Variants in ARHGEF7 observed in about 807,000 individuals in gnomAD.
The protein encoded by ARHGEF7 is PAK-interacting exchange factor beta.
Under a neutral mutation model 109.8 loss-of-function variants are expected in ARHGEF7, and 33 were observed. The observed-to-expected ratio is 0.30, with a 90% CI of 0.23 to 0.40. The LOEUF (loss-of-function observed/expected upper bound fraction) is 0.40, where lower values mean the gene tolerates loss of function less well. Among genes scored for constraint, ARHGEF7 ranks in the 10% least tolerant of loss-of-function variants. The probability of loss-of-function intolerance (pLI) is 1.00; values close to 1 mark genes in which losing one functional copy is unlikely to be tolerated. For missense variants in ARHGEF7, 938 were observed against 1,098.5 expected (o/e 0.85, Z 2.07); for synonymous variants, 458 against 424.6 (o/e 1.08, Z -0.97).
intron 1 of ARHGEF7, among the ~76,000 whole-genome samples, chr13:111,148,661 G>C (rs2075736319): frequency 6.6e-6 from 1 of 152,212 alleles, no homozygotes; most frequent in South Asian, 2.1e-4. Flanking sequence ...CTTTGCACCT[G>C]TCATCTTCCT....
In ARHGEF7 at chr13:111,134,814, A is replaced by T. The variant is rs2075003949; in HGVS notation, c.166-19091A>T. On this transcript the variant is annotated intron_variant, in intron 1 of 21. Coordinates refer to ENST00000646102, the MANE Select transcript of ARHGEF7 (RefSeq NM_001354046.2). ...TTAGTTTAATTAGATCCCATTTGTC[A>T]ATTTTGGCTTTTGTTGCCATTGCTT... is the stretch of plus-strand genomic sequence containing the variant. Among the ~76,000 whole-genome samples, 5 of 152,010 alleles carry T rather than the reference A, an allele frequency of 3.3e-5. No homozygotes were observed. In the South Asian group the frequency reaches 1.0e-3, roughly 32 times the overall value.
intron 13 of ARHGEF7, among the ~76,000 whole-genome samples, chr13:111,278,612 G>A (rs999056806): frequency 1.3e-5 from 2 of 152,220 alleles, no homozygotes; most frequent in African/African-American, 4.8e-5. Flanking sequence ...ACTCAGGAAA[G>A]TGAGGCTGTA....
intron 2 of ARHGEF7, among the ~76,000 whole-genome samples, chr13:111,180,000 G>C (rs772323367): frequency 3.9e-5 from 6 of 152,188 alleles, no homozygotes; most frequent in Non-Finnish European, 7.3e-5. Context: ...ATCCATGGAT[G>C]ATACTTTACC....
At chr13:111,269,903 A>G (rs908373882) in intron 9 of ARHGEF7, among the ~76,000 whole-genome samples, 23 of 152,162 alleles carry the variant, frequency 1.5e-4, no homozygotes, top group Non-Finnish European at 3.1e-4. Context: ...TCCTCTTGCC[A>G]GCTTTTCCAT....
chr13:111,275,414 G>A (rs56206316), intron 11 of ARHGEF7, 118 bp from the exon 12 acceptor site: 15,298 of 1,142,298 alleles, frequency 0.013, 133 homozygotes, highest in Non-Finnish European at 0.017. Context: ...TAAATTATCT[G>A]TCTGAAGAAG....
chr13:111,294,940 C>T (rs1180850589), intron 19 of ARHGEF7: 1 of 985,596 alleles, frequency 1.0e-6, no homozygotes. Context: ...ATTGCCAAAA[C>T]ACAGTAATGT....
At chr13:111,208,806 C>T (rs1418042898) in intron 3 of ARHGEF7, among the ~76,000 whole-genome samples, 1 of 152,102 alleles carries the variant, frequency 6.6e-6, no homozygotes, top group Non-Finnish European at 1.5e-5. Context: ...GTTGGAGTAG[C>T]AAGCCCCCAT....
intron 2 of ARHGEF7, among the ~76,000 whole-genome samples, chr13:111,175,357 G>C (rs2078036166): frequency 1.3e-5 from 2 of 152,230 alleles, no homozygotes; most frequent in South Asian, 4.1e-4. Flanking sequence ...TGAGGGGAGA[G>C]TGAGGGAATG....
Position 111,238,862 on chromosome 13 carries a change from T to C in ARHGEF7, c.760-5010T>C, listed in dbSNP as rs561948246. Among the ~76,000 whole-genome samples the C allele has an allele frequency of 5.9e-5, 9 of 152,236 alleles. No individual in the cohort carries two copies. In the South Asian group the frequency reaches 1.9e-3, roughly 32 times the overall value. On this transcript the variant is annotated intron_variant, in intron 6 of 21. Coordinates refer to ENST00000646102, the MANE Select transcript of ARHGEF7 (RefSeq NM_001354046.2). ...CACTATGGTTTGATTTTTTAGGCTT[T>C]CTGTATTAGTCCGTTCTCACGCTGC...
chr13:111,149,474 A>C (rs2075784409), intron 1 of ARHGEF7, among the ~76,000 whole-genome samples: 1 of 152,248 alleles, frequency 6.6e-6, no homozygotes, highest in African/African-American at 2.4e-5. Context: ...TGTTCTAGAA[A>C]GTTACCTTGA....
chr13:111,186,777 C>T, intron 2 of ARHGEF7: 3 of 984,120 alleles, frequency 3.0e-6, no homozygotes, highest in South Asian at 4.7e-5. Context: ...GGTGGCAACG[C>T]AGACCACTAA....
chr13:111,234,885 G>A (rs751993390), intron 6 of ARHGEF7, among the ~76,000 whole-genome samples: 12 of 151,952 alleles, frequency 7.9e-5, no homozygotes, highest in Non-Finnish European at 1.6e-4. Flanking sequence ...GCTCTGCATC[G>A]CCTTCATCCC....
intron 1 of ARHGEF7, among the ~76,000 whole-genome samples, chr13:111,140,703 G>C (rs571088836): frequency 3.1e-4 from 47 of 152,142 alleles, no homozygotes; most frequent in African/African-American, 1.1e-3. Flanking sequence ...TCGTTTGTTT[G>C]CTTTTTTAGA....
At position 111,292,783 on chromosome 13, in the gene ARHGEF7, T is replaced by C; in HGVS notation, c.2311+489T>C. ...TTAAGTGCTATGAACACTGATCAAGTAGTTGTGGAGAGATGAGAAGAATAT... is the reference window on the plus strand; with the variant it reads ...TTAAGTGCTATGAACACTGATCAAGCAGTTGTGGAGAGATGAGAAGAATAT... On this transcript the variant is annotated intron_variant, in intron 19 of 21. Transcript: ENST00000646102. 5.0e-6 allele frequency: 5 copies of C among 999,668 alleles called. No individual in the cohort carries two copies. The South Asian group carries it at 2.2e-4, about 43-fold the overall frequency. The allele number at this position is 999,668 out of a possible 1,614,324, so 61.9% of individuals were successfully genotyped here.
intron 2 of ARHGEF7, among the ~76,000 whole-genome samples, chr13:111,165,706 A>G (rs2077073760): frequency 6.6e-6 from 1 of 152,218 alleles, no homozygotes; most frequent in Admixed American, 6.5e-5. Flanking sequence ...ACAGCGGTAC[A>G]GCTGAGGGCT....
At chr13:111,295,615 G>A (rs996401674) in intron 19 of ARHGEF7, among the ~76,000 whole-genome samples, 3 of 152,340 alleles carry the variant, frequency 2.0e-5, no homozygotes, top group East Asian at 1.9e-4. Flanking sequence ...AGGAAACGAA[G>A]TACCTGGTGG....
At chr13:111,116,988 T>C (rs1281158813) in intron 1 of ARHGEF7, among the ~76,000 whole-genome samples, 1 of 152,202 alleles carries the variant, frequency 6.6e-6, no homozygotes, top group Non-Finnish European at 1.5e-5. Flanking sequence ...GAAATTATGA[T>C]TTAAGACAGG....
intron 19 of ARHGEF7, chr13:111,295,252 T>C (rs1259056186): frequency 6.2e-6 from 6 of 972,750 alleles, no homozygotes; most frequent in Non-Finnish European, 6.1e-6. Flanking sequence ...TGCAGTGTAA[T>C]ATAATTTGGC....
chr13:111,173,328 T>C (rs1487970445), intron 2 of ARHGEF7, among the ~76,000 whole-genome samples: 3 of 152,170 alleles, frequency 2.0e-5, no homozygotes, highest in Admixed American at 1.3e-4. Context: ...GTCTTGATAT[T>C]TTGCCCCCTT....
Sources: allele counts gnomAD v4.1 joint callset (sites outside exome capture counted in the v4.1 genomes callset), GRCh38; gene constraint gnomAD v4.1.1; transcripts MANE v1.5; gene names NCBI Gene and HGNC (gene_info 2026-07-23, HGNC 2026-07-21).